EFCAB11: variants seen among roughly 807,000 people sequenced by gnomAD.
EFCAB11 encodes EF-hand calcium-binding domain-containing protein 11.
In EFCAB11, 14 loss-of-function variants were observed where a neutral mutation model predicts 23.0. That is an observed-to-expected ratio of 0.61 (90% confidence interval 0.40 to 0.95). The LOEUF is 0.95. Ranked by LOEUF, EFCAB11 falls within the 40% of genes least tolerant of loss-of-function variation. The pLI is 0.00. For synonymous variants in EFCAB11, 65 were observed against 66.6 expected (o/e 0.98, Z 0.11); for missense variants, 198 against 195.8 (o/e 1.01, Z -0.07).
chr14:89,832,529 C>T (rs1886919630), intron 5 of EFCAB11, among the ~76,000 whole-genome samples: 1 of 152,138 alleles, frequency 6.6e-6, no homozygotes, highest in Non-Finnish European at 1.5e-5. Flanking sequence ...CTCTTCCAGC[C>T]CTGCAAGCAC....
chr14:89,904,724 C>T (rs1214528531), intron 5 of EFCAB11, among the ~76,000 whole-genome samples: 1 of 152,134 alleles, frequency 6.6e-6, no homozygotes, highest in African/African-American at 2.4e-5. Flanking sequence ...CTCTGACGAC[C>T]AGTGATGATG....
chr14:89,880,768 T>C (rs1023064862), intron 5 of EFCAB11, among the ~76,000 whole-genome samples: 1 of 152,206 alleles, frequency 6.6e-6, no homozygotes, highest in Non-Finnish European at 1.5e-5. Flanking sequence ...TTGGTACTTA[T>C]CTTGGTTATT....
intron 5 of EFCAB11, chr14:89,923,919 A>G (rs1224722084): frequency 1.0e-6 from 1 of 985,316 alleles, no homozygotes; most frequent in Non-Finnish European, 1.2e-6. Flanking sequence ...TTGAAAAAGT[A>G]AATGTTCTCT....
At chr14:89,858,737 C>T (rs1219744107) in intron 5 of EFCAB11, among the ~76,000 whole-genome samples, 6 of 142,070 alleles carry the variant, frequency 4.2e-5, no homozygotes, top group East Asian at 2.1e-4. Context: ...TGGGCTCAAG[C>T]GATCTGCCTG....
At chr14:89,898,433 C>T (rs954487337) in intron 5 of EFCAB11, among the ~76,000 whole-genome samples, 6 of 152,188 alleles carry the variant, frequency 3.9e-5, no homozygotes, top group South Asian at 2.1e-4. Flanking sequence ...GGCACGATCT[C>T]GGCTCACTGC....
chr14:89,837,001 G>A (rs576274947), intron 5 of EFCAB11: 4 of 455,212 alleles, frequency 8.8e-6, no homozygotes, highest in East Asian at 7.0e-5. Flanking sequence ...CAGCCTGGGC[G>A]ACAGAGCGAT....
chr14:89,801,059 A>AAG (rs58442769), intron 5 of EFCAB11, among the ~76,000 whole-genome samples: 31,386 of 138,418 alleles, frequency 0.23, 4,320 homozygotes, highest in Non-Finnish European at 0.28. Context: ...AAAAAAAAAA[A>AAG]AGAAGTACTG....
In EFCAB11 at chr14:89,829,938, C is replaced by G. The variant is rs932029290; in HGVS notation, c.411-32614G>C. 6 of 152,144 alleles carry G rather than the reference C, an allele frequency of 3.9e-5. No homozygotes were observed. The East Asian group carries it at 1.2e-3, about 29-fold the overall frequency. 9.4% of individuals were successfully genotyped at this position (152,144 alleles called of 1,614,324 possible). A position where few individuals can be genotyped will look rare whatever the true frequency, so the allele number is the denominator to read the frequency against. On this transcript the variant is annotated intron_variant, in intron 5 of 5. Coordinates refer to ENST00000316738, the MANE Select transcript of EFCAB11 (RefSeq NM_145231.4). ...TATAATTTACAGGATATATTGCTGG[C>G]ACTCAGGTCTGTTGAGGGATTGGAA...
intron 5 of EFCAB11, among the ~76,000 whole-genome samples, chr14:89,841,818 T>C (rs932917465): frequency 3.3e-5 from 5 of 152,094 alleles, no homozygotes; most frequent in Non-Finnish European, 7.4e-5. Context: ...TCCAACCCTC[T>C]GAGGGTTCTC....
At chr14:89,935,405 T>TG (rs1339971696) in intron 3 of EFCAB11, among the ~76,000 whole-genome samples, 2 of 151,432 alleles carry the variant, frequency 1.3e-5, no homozygotes, top group Non-Finnish European at 3.0e-5. Flanking sequence ...GGGTTTTTTT[T>TG]TTTTTTTTTT....
At chr14:89,944,167 C>T (rs1890886351) in intron 3 of EFCAB11, among the ~76,000 whole-genome samples, 1 of 152,174 alleles carries the variant, frequency 6.6e-6, no homozygotes, top group African/African-American at 2.4e-5. Flanking sequence ...ACTTACAGTT[C>T]CACACGGCTG....
At chr14:89,933,828 ACAGGAATCCT>A (rs1311133761) in intron 3 of EFCAB11, among the ~76,000 whole-genome samples, 1 of 152,210 alleles carries the variant, frequency 6.6e-6, no homozygotes, top group African/African-American at 2.4e-5. Flanking sequence ...AAAAAGATTC[ACAGGAATCCT>A]CATGTCAAGT....
At chr14:89,929,308 C>A (rs2139804638) in intron 5 of EFCAB11, among the ~76,000 whole-genome samples, 1 of 152,216 alleles carries the variant, frequency 6.6e-6, no homozygotes, top group East Asian at 1.9e-4. Flanking sequence ...CCTTGGCCTC[C>A]TAAAGTGCTA....
At chr14:89,801,967 C>A (rs1885796369) in intron 5 of EFCAB11, among the ~76,000 whole-genome samples, 1 of 150,230 alleles carries the variant, frequency 6.7e-6, no homozygotes, top group Admixed American at 6.7e-5. Context: ...GCACTCCAGC[C>A]CAGGCGATAG....
intron 5 of EFCAB11, among the ~76,000 whole-genome samples, chr14:89,808,148 T>C (rs1886033366): frequency 6.6e-6 from 1 of 152,178 alleles, no homozygotes; most frequent in Non-Finnish European, 1.5e-5. Context: ...CCAGCCTCCC[T>C]TGCAATGAGA....
At chr14:89,854,319 G>A (rs1045541055) in intron 5 of EFCAB11, among the ~76,000 whole-genome samples, 7 of 152,214 alleles carry the variant, frequency 4.6e-5, no homozygotes, top group African/African-American at 1.4e-4. Flanking sequence ...GGAGAGCTGG[G>A]CAGAGAGAGG....
At chr14:89,954,403 G>A in intron 1 of EFCAB11, 183 bp downstream of exon 1, 1 of 1,536,394 alleles carries the variant, frequency 6.5e-7, no homozygotes, top group Non-Finnish European at 8.7e-7. Context: ...GGAGGTAGCC[G>A]TAGTCCTGGA....
At chr14:89,921,955 A>C (rs1348114052) in intron 5 of EFCAB11, among the ~76,000 whole-genome samples, 6 of 152,210 alleles carry the variant, frequency 3.9e-5, no homozygotes, top group Admixed American at 3.9e-4. Flanking sequence ...TCTACTACAA[A>C]AGAAAAACAC....
At chr14:89,947,358 C>T (rs1023304128) in intron 3 of EFCAB11, among the ~76,000 whole-genome samples, 1 of 152,174 alleles carries the variant, frequency 6.6e-6, no homozygotes, top group Non-Finnish European at 1.5e-5. Context: ...CTAGATCATT[C>T]TGCTAAGCTT....
Sources: allele counts gnomAD v4.1 joint callset (sites outside exome capture counted in the v4.1 genomes callset), GRCh38; gene constraint gnomAD v4.1.1; transcripts MANE v1.5; gene names NCBI Gene and HGNC (gene_info 2026-07-23, HGNC 2026-07-21).